Variants in UBA1 observed in about 807,000 individuals in gnomAD.
The protein encoded by UBA1 is ubiquitin like modifier activating enzyme 1.
UBA1 carries 4 observed loss-of-function variants against 84.7 expected under a neutral mutation model. The ratio of observed to expected loss-of-function variants is 0.05; its 90% CI spans 0.02 to 0.11. UBA1 has a LOEUF of 0.11. UBA1 is among the 10% of genes least tolerant of loss of function. The pLI, the probability that UBA1 is intolerant of heterozygous loss-of-function variation, is 1.00. For missense variants in UBA1, 513 were observed against 902.8 expected (o/e 0.57, Z 5.53); for synonymous variants, 364 against 362.6 (o/e 1.00, Z -0.04).
At position 47,198,935 on chromosome X, in the gene UBA1, G is replaced by A. The variant is rs375750779; in HGVS notation, c.117+16G>A. ...GCCAACCAACGTGAGTGTCCTCTCC[G>A]TGGAGACTGGCAGACGAGGTGGTGG... On this transcript the variant is annotated intron_variant, in intron 2 of 25. Transcript: ENST00000335972. The A allele has an allele frequency of 1.8e-5, 22 of 1,207,131 alleles. 1 individual carries two copies. The Admixed American group carries it at 4.1e-4, about 23-fold the overall frequency.
At chrX:47,193,611 C>T (rs1000465453), upstream of UBA1, among the ~76,000 whole-genome samples, 7 of 112,824 alleles carry the variant, frequency 6.2e-5, no homozygotes, top group African/African-American at 2.3e-4. Context: ...ACAATTCATT[C>T]ATTAGTCGCA....
chrX:47,204,250 C>G (rs1323611808), intron 14 of UBA1, among the ~76,000 whole-genome samples: 2 of 96,774 alleles, frequency 2.1e-5, no homozygotes, highest in Non-Finnish European at 4.0e-5. Context: ...ACCTAGAGTA[C>G]TTACAGGACT....
At chrX:47,205,529 C>T (rs562912377) in intron 14 of UBA1, 2 of 346,454 alleles carry the variant, frequency 5.8e-6, no homozygotes, top group Admixed American at 6.2e-5. Flanking sequence ...CCTGGGTCTT[C>T]CCCAGCATTA....
At chrX:47,204,383 C>T (rs1369616074) in intron 14 of UBA1, among the ~76,000 whole-genome samples, 2 of 110,400 alleles carry the variant, frequency 1.8e-5, no homozygotes, top group African/African-American at 6.6e-5. Context: ...TTAAACAAGG[C>T]GGCCTTTATT....
upstream of UBA1, among the ~76,000 whole-genome samples, chrX:47,192,925 C>T (rs782502362): frequency 8.9e-6 from 1 of 111,952 alleles, no homozygotes; most frequent in South Asian, 3.7e-4. Flanking sequence ...GTTGTGGAAA[C>T]TGAGGCACCT....
chrX:47,204,494 T>A (rs1251018359), intron 14 of UBA1, among the ~76,000 whole-genome samples: 1 of 111,569 alleles, frequency 9.0e-6, no homozygotes, highest in Non-Finnish European at 1.9e-5. Context: ...GCACCACCTC[T>A]TTTACTTGGG....
Position 47,214,991 on chromosome X carries a change from G to A in UBA1, c.*62G>A, listed in dbSNP as rs1937086611. The A allele has an allele frequency of 8.3e-7, 1 of 1,198,154 alleles. No homozygotes were observed. The highest frequency in any genetic ancestry group is 1.1e-6 in the Non-Finnish European group (1 of 892,794). ...CCTCTCCACACCCCTTCCAGCCCAG[G>A]GTTCCCATTTGGCTTCTGGCAGTGG... On this transcript the variant is annotated 3_prime_UTR_variant, in exon 26 of 26. Transcript: ENST00000335972.
Position 47,201,127 on chromosome X carries a change from C to T in UBA1, c.587+127C>T, listed in dbSNP as rs1421662807. The T allele has an allele frequency of 1.6e-5, 13 of 798,409 alleles. No homozygotes were observed. In the African/African-American group the frequency reaches 2.3e-4, roughly 14 times the overall value. 65.8% of individuals were successfully genotyped at this position (798,409 alleles called of 1,213,427 possible). ...ACCCAGGTTTTGGGTTCTGTGTTTTCATCTCTCCCCATGTGGCACAAGTAC... is the reference window on the plus strand; with the variant it reads ...ACCCAGGTTTTGGGTTCTGTGTTTTTATCTCTCCCCATGTGGCACAAGTAC... On this transcript the variant is annotated intron_variant, in intron 6 of 25. Coordinates refer to ENST00000335972, the MANE Select transcript of UBA1 (RefSeq NM_003334.4).
rs372842152 is a variant in UBA1, at chrX:47,202,152, G to A, written c.812-4G>A. The A allele has an allele frequency of 4.1e-5, 49 of 1,201,727 alleles. No individual in the cohort carries two copies. In the East Asian group the frequency reaches 5.0e-4, roughly 12 times the overall value. ...ACTGACAGCTCTCTTCCTGCCCTCT[G>A]TAGGTCCTTATACCTTTAGCATCTG... is the stretch of plus-strand genomic sequence containing the variant. On this transcript the variant is annotated splice_region_variant and splice_polypyrimidine_tract_variant and intron_variant, in intron 8 of 25. Coordinates refer to ENST00000335972, the MANE Select transcript of UBA1 (RefSeq NM_003334.4).
chrX:47,202,559 C>A, intron 10 of UBA1, 55 bp downstream of exon 10: 2 of 1,205,864 alleles, frequency 1.7e-6, no homozygotes, highest in Non-Finnish European at 2.2e-6. Flanking sequence ...GCAGGCTCAC[C>A]ATGCCTCTCT....
intron 1 of UBA1, chrX:47,197,217 G>T (rs782011216): frequency 3.8e-5 from 29 of 754,960 alleles, no homozygotes; most frequent in Non-Finnish European, 4.5e-5. Context: ...GAGCCCAGGG[G>T]CATTTGGCAA....
chrX:47,211,302 A>AC, intron 20 of UBA1, 77 bp downstream of exon 20: 1 of 1,083,402 alleles, frequency 9.2e-7, no homozygotes, highest in Admixed American at 2.3e-5. Context: ...CCAGTCCTCT[A>AC]CCCCTGGTTC....
intron 16 of UBA1, among the ~76,000 whole-genome samples, chrX:47,207,111 C>T (rs1556791405): frequency 3.6e-5 from 4 of 111,923 alleles, no homozygotes; most frequent in Admixed American, 1.9e-4. Flanking sequence ...TTTTCATGCT[C>T]AGCAAAATTA....
chrX:47,212,373 A>G, intron 20 of UBA1, 51 bp from the exon 21 acceptor site: 1 of 987,975 alleles, frequency 1.0e-6, no homozygotes, highest in East Asian at 3.1e-5. Flanking sequence ...TTTCCATCTC[A>G]GACCTTAGCC....
chrX:47,210,146 A>G (rs1052432232), intron 18 of UBA1, 23 bp downstream of exon 18: 1 of 1,208,241 alleles, frequency 8.3e-7, no homozygotes, highest in South Asian at 1.8e-5. Flanking sequence ...TGTTGGGTCC[A>G]TTTGGCAGAA....
intron 13 of UBA1, 77 bp downstream of exon 13, chrX:47,203,291 C>G: frequency 3.7e-6 from 4 of 1,068,678 alleles, no homozygotes. Flanking sequence ...TTCGGCATCT[C>G]AATGCAACCG....
At chrX:47,197,914 A>T in intron 1 of UBA1, 1 of 783,127 alleles carries the variant, frequency 1.3e-6, no homozygotes. Context: ...CCCTGAGGAC[A>T]GAGTGAGACG....
intron 20 of UBA1, among the ~76,000 whole-genome samples, chrX:47,211,744 C>T (rs1407562215): frequency 2.8e-5 from 3 of 105,561 alleles, no homozygotes; most frequent in Admixed American, 1.0e-4. Flanking sequence ...AGCTCTGTAA[C>T]GCCCCCTACA....
chrX:47,193,235 A>C (rs782078955), upstream of UBA1, among the ~76,000 whole-genome samples: 10 of 111,706 alleles, frequency 9.0e-5, no homozygotes, highest in Admixed American at 9.5e-4. Context: ...CTGAGTTTCC[A>C]GGTTGAGCTA....
Sources: gnomAD v4.1 joint callset for allele counts (sites outside exome capture counted in the v4.1 genomes callset) on GRCh38, gnomAD v4.1.1 for gene constraint, MANE v1.5 for transcripts, NCBI Gene and HGNC (gene_info 2026-07-23, HGNC 2026-07-21) for gene names.